The following MMS22L variants were observed in gnomAD, a reference collection of about 807,000 sequenced individuals.
The protein encoded by MMS22L is MMS22 like, DNA repair protein, also known as protein MMS22-like.
A neutral mutation model predicts 159.1 loss-of-function variants in MMS22L; 74 were observed. That is an observed-to-expected ratio of 0.47 (90% confidence interval 0.39 to 0.56). MMS22L has a LOEUF of 0.56. Ranked by LOEUF, MMS22L falls within the 20% of genes least tolerant of loss-of-function variation. The pLI, the probability that MMS22L is intolerant of heterozygous loss-of-function variation, is 0.00. For synonymous variants in MMS22L, 517 were observed against 506.9 expected (o/e 1.02, Z -0.27); for missense variants, 1,351 against 1,422.1 (o/e 0.95, Z 0.80).
chr6:97,229,894 G>A (rs966631072), intron 13 of MMS22L, among the ~76,000 whole-genome samples: 4 of 152,014 alleles, frequency 2.6e-5, no homozygotes, highest in Non-Finnish European at 4.4e-5. Context: ...AATGCAAGGC[G>A]TTAGAAAAAT....
intron 14 of MMS22L, among the ~76,000 whole-genome samples, chr6:97,193,551 G>A (rs1354796221): frequency 6.6e-6 from 1 of 152,016 alleles, no homozygotes; most frequent in Non-Finnish European, 1.5e-5. Context: ...GTAGTAACAA[G>A]GATCCACTTC....
chr6:97,160,702 T>C (rs1395929645), intron 22 of MMS22L, among the ~76,000 whole-genome samples: 1 of 152,034 alleles, frequency 6.6e-6, no homozygotes, highest in African/African-American at 2.4e-5. Context: ...TTTTTTTGGC[T>C]TTCTCTCTTC....
In MMS22L at chr6:97,231,663, G is replaced by T; in HGVS notation, c.1303-11C>A. On this transcript the variant is annotated splice_polypyrimidine_tract_variant and intron_variant, in intron 12 of 24. Transcript: ENST00000683635. ...ACTGAAGGAACTATTCTAAAAGGGG[G>T]GAAAAAAAAGATAGAAAACAATTAT... 6.7e-7 allele frequency: 1 copy of T among 1,490,648 alleles called. No individual in the cohort carries two copies. The highest frequency in any genetic ancestry group is 9.1e-7 in the Non-Finnish European group (1 of 1,100,470). The allele number at this position is 1,490,648 out of a possible 1,614,324, so 92.3% of individuals were successfully genotyped here. A position where few individuals can be genotyped will look rare whatever the true frequency, so the allele number is the denominator to read the frequency against.
intron 7 of MMS22L, 106 bp downstream of exon 7, chr6:97,269,796 T>C (rs1468932994): frequency 2.6e-6 from 2 of 768,174 alleles, no homozygotes; most frequent in South Asian, 2.3e-5. Context: ...TTGTTTACTA[T>C]TTGATTTTTT....
intron 21 of MMS22L, 118 bp from the exon 22 acceptor site, chr6:97,162,283 T>C: frequency 1.4e-6 from 1 of 716,922 alleles, no homozygotes; most frequent in Non-Finnish European, 2.3e-6. Context: ...CAGTGCCACT[T>C]GTATAAAGTA....
At chr6:97,210,147 C>T (rs1808223040) in intron 14 of MMS22L, among the ~76,000 whole-genome samples, 1 of 151,906 alleles carries the variant, frequency 6.6e-6, no homozygotes. Context: ...CTCTTTCCAT[C>T]ACTTCATATC....
chr6:97,282,534 G>C lies in MMS22L; in HGVS notation c.-57C>G. 2.9e-6 allele frequency: 2 copies of C among 692,076 alleles called. No individual in the cohort carries two copies. The highest frequency in any genetic ancestry group is 4.2e-6 in the Non-Finnish European group (2 of 479,908). The allele number at this position is 692,076 out of a possible 1,614,324, so 42.9% of individuals were successfully genotyped here. A position where few individuals can be genotyped will look rare whatever the true frequency, so the allele number is the denominator to read the frequency against. On this transcript the variant is annotated 5_prime_UTR_variant, in exon 2 of 25. Transcript: ENST00000683635. ...TCGTCGTATCATTAAGGGCTCCAAA[G>C]AGAAGGTGTGAAGAGATTCCTGTTG...
chr6:97,264,518 A>G (rs950235912), intron 8 of MMS22L: 3 of 152,182 alleles, frequency 2.0e-5, no homozygotes, highest in East Asian at 3.8e-4. Flanking sequence ...AGTTAAAAAA[A>G]AAGTATTAGG....
intron 22 of MMS22L, among the ~76,000 whole-genome samples, chr6:97,157,593 T>C (rs1439337412): frequency 6.6e-6 from 1 of 152,228 alleles, no homozygotes. Flanking sequence ...GTTTTTGTCA[T>C]TGGTTCTGTT....
rs748220670 is a variant in MMS22L at position 97,231,658 on chromosome 6, A to AG, written c.1303-7dup. The AG allele has an allele frequency of 1.1e-5, 17 of 1,514,132 alleles. No individual in the cohort carries two copies. In the East Asian group the frequency reaches 1.6e-4, roughly 14 times the overall value. The allele number at this position is 1,514,132 out of a possible 1,614,324, so 93.8% of individuals were successfully genotyped here. ...GAAATACTGAAGGAACTATTCTAAA[A>AG]GGGGGGAAAAAAAAGATAGAAAACA... On this transcript the variant is annotated splice_polypyrimidine_tract_variant and splice_region_variant and intron_variant, in intron 12 of 24. Transcript: ENST00000683635.
At chr6:97,272,033 C>T (rs1472518504) in intron 6 of MMS22L, 1 of 152,114 alleles carries the variant, frequency 6.6e-6, no homozygotes, top group Non-Finnish European at 1.5e-5. Flanking sequence ...ACGGTAAAGT[C>T]AAATATAATG....
intron 13 of MMS22L, chr6:97,230,696 A>G (rs1463747304): frequency 1.3e-5 from 2 of 152,160 alleles, no homozygotes; most frequent in Non-Finnish European, 2.9e-5. Context: ...AAATAGAACA[A>G]AATAAAAAAA....
chr6:97,162,470 T>G (rs189253212), intron 21 of MMS22L, among the ~76,000 whole-genome samples: 295 of 149,166 alleles, frequency 2.0e-3, no homozygotes, highest in East Asian at 6.3e-3. Context: ...AATTTGCAGG[T>G]TTTTTTTTTC....
At chr6:97,271,380 C>T (rs2128091328) in intron 6 of MMS22L, 1 of 152,220 alleles carries the variant, frequency 6.6e-6, no homozygotes, top group East Asian at 1.9e-4. Context: ...TTTATTTCTG[C>T]TGCTATATAA....
At chr6:97,195,049 G>A (rs1806339616) in intron 14 of MMS22L, among the ~76,000 whole-genome samples, 1 of 152,150 alleles carries the variant, frequency 6.6e-6, no homozygotes, top group African/African-American at 2.4e-5. Context: ...ATCACAGTAT[G>A]GGGATGATGA....
At chr6:97,242,698 T>C (rs1168210420) in intron 11 of MMS22L, among the ~76,000 whole-genome samples, 1 of 152,212 alleles carries the variant, frequency 6.6e-6, no homozygotes, top group East Asian at 1.9e-4. Context: ...ATTTATGCTT[T>C]AAAGAGGTTT....
At chr6:97,220,673 C>A (rs1809534384) in intron 14 of MMS22L, among the ~76,000 whole-genome samples, 1 of 151,942 alleles carries the variant, frequency 6.6e-6, no homozygotes, top group Admixed American at 6.6e-5. Flanking sequence ...CCCCACCTTA[C>A]CAAAAGAATC....
intron 14 of MMS22L, among the ~76,000 whole-genome samples, chr6:97,226,094 T>C (rs1810217586): frequency 6.6e-6 from 1 of 152,152 alleles, no homozygotes; most frequent in Admixed American, 6.5e-5. Context: ...AGAAATACAT[T>C]TACAAAGATG....
At position 97,206,135 on chromosome 6, in the gene MMS22L, G is replaced by C. The variant is rs528891040; in HGVS notation, c.2040-19445C>G. 1.5e-3 allele frequency among the ~76,000 whole-genome samples: 225 copies of C among 152,238 alleles called. 1 individual carries two copies. The highest frequency in any genetic ancestry group is 3.4e-3 in the Middle Eastern group (1 of 294). On this transcript the variant is annotated intron_variant, in intron 14 of 24. Transcript: ENST00000683635. The stretch of plus-strand genomic sequence containing the variant: ...AGTTAATGGCTATTTATGTGCAAAT[G>C]AGTGCCCTCCAACCCTCCAAAATCC...
Sources: allele counts gnomAD v4.1 joint callset (sites outside exome capture counted in the v4.1 genomes callset), GRCh38; gene constraint gnomAD v4.1.1; transcripts MANE v1.5; gene names NCBI Gene and HGNC (gene_info 2026-07-23, HGNC 2026-07-21).